Variants in DDHD2 observed in about 807,000 individuals in gnomAD.
The protein encoded by DDHD2 is DDHD domain containing 2.
DDHD2 carries 62 observed loss-of-function variants against 91.2 expected under a neutral mutation model. That is an observed-to-expected ratio of 0.68 (90% CI 0.55 to 0.84). The LOEUF is 0.84. DDHD2 is among the 40% of genes least tolerant of loss of function. The probability of loss-of-function intolerance (pLI) is 0.00; values close to 1 mark genes in which losing one functional copy is unlikely to be tolerated. For missense variants in DDHD2, 740 were observed against 846.9 expected (o/e 0.87, Z 1.57); for synonymous variants, 271 against 293.9 (o/e 0.92, Z 0.80).
intron 10 of DDHD2, among the ~76,000 whole-genome samples, chr8:38,248,730 A>G (rs1585739407): frequency 6.6e-6 from 1 of 151,932 alleles, no homozygotes; most frequent in East Asian, 2.0e-4. Context: ...GCAGATCACG[A>G]GGTCAGGAGT....
At chr8:38,245,488 C>G (rs1805558875) in intron 7 of DDHD2, among the ~76,000 whole-genome samples, 6 of 151,482 alleles carry the variant, frequency 4.0e-5, no homozygotes, top group Admixed American at 3.9e-4. Context: ...CCACTTACCT[C>G]TCTGTCTACA....
intron 11 of DDHD2, 91 bp downstream of exon 11, chr8:38,249,894 C>T (rs896276568): frequency 1.2e-6 from 1 of 858,532 alleles, no homozygotes. Flanking sequence ...TCTGGGGAGC[C>T]AAGCAGTTTT....
At chr8:38,266,331 T>TAAG, downstream of DDHD2, 1 of 1,602,992 alleles carries the variant, frequency 6.2e-7, no homozygotes, top group South Asian at 1.1e-5. Flanking sequence ...GAAAAACTTT[T>TAAG]AAGTGGTTTG....
In DDHD2 at chr8:38,242,326, G is replaced by T. The variant is rs1000538356; in HGVS notation, c.789G>T (p.Gly263=). The change falls in exon 7 of 18, where the codon GGG becomes GGT. Residue 263 remains glycine (G), a synonymous_variant. Transcript: ENST00000397166. ...AAGCCCAAGAAAATCAGCAGATTGG[G>T]AGGGTAGAATTTCTTCCAGTCAACT... ...FKKAQENQQI[G]RVEFLPVNWH... 6.2e-7 allele frequency: 1 copy of T among 1,610,634 alleles called. No homozygotes were observed. Among genetic ancestry groups the T allele is most frequent in the East Asian group, 2.2e-5 (1 of 44,780 alleles).
At chr8:38,268,833 G>C (rs755185719) in intron 1 of DDHD2, 105 of 1,483,812 alleles carry the variant, frequency 7.1e-5, no homozygotes, top group Non-Finnish European at 8.0e-5. Flanking sequence ...AGGTGCCCGC[G>C]GGAAGCCGGG....
At chr8:38,251,791 C>T (rs1359909904) in intron 11 of DDHD2, 121 bp from the exon 12 acceptor site, 9 of 652,308 alleles carry the variant, frequency 1.4e-5, no homozygotes, top group Non-Finnish European at 2.2e-5. Context: ...CCACGTTGGA[C>T]TTGAACTCTT....
chr8:38,268,582 C>A (rs554006173), intron 1 of DDHD2: 404 of 1,457,484 alleles, frequency 2.8e-4, no homozygotes, highest in Middle Eastern at 1.8e-3. Flanking sequence ...TCTGAGTGCG[C>A]GTAACCGGGC....
At chr8:38,241,090 C>T (rs1269024208) in intron 6 of DDHD2, among the ~76,000 whole-genome samples, 1 of 150,642 alleles carries the variant, frequency 6.6e-6, no homozygotes, top group Non-Finnish European at 1.5e-5. Flanking sequence ...AAAAAGGTGT[C>T]CTCTAAAACC....
intron 16 of DDHD2, among the ~76,000 whole-genome samples, chr8:38,259,254 G>A (rs888622621): frequency 1.3e-5 from 2 of 148,910 alleles, no homozygotes; most frequent in Admixed American, 6.7e-5. Context: ...TCACTCTGTC[G>A]CCCAGGCTGA....
At chr8:38,233,669 C>G (rs1289934166) in intron 2 of DDHD2, among the ~76,000 whole-genome samples, 1 of 151,810 alleles carries the variant, frequency 6.6e-6, no homozygotes, top group Non-Finnish European at 1.5e-5. Context: ...TGGCTCACAC[C>G]TGTAATCCCA....
downstream of DDHD2, chr8:38,263,303 T>G (rs188089372): frequency 7.3e-5 from 59 of 804,508 alleles, no homozygotes; most frequent in Admixed American, 1.7e-3. Context: ...TATTCCATTG[T>G]GAAGAAGGGG....
intron 10 of DDHD2, among the ~76,000 whole-genome samples, 193 bp downstream of exon 10, chr8:38,248,028 A>G (rs1173849350): frequency 6.6e-6 from 1 of 152,202 alleles, no homozygotes; most frequent in Non-Finnish European, 1.5e-5. Context: ...TCAGATGGCC[A>G]TATTGATATT....
rs1807935221 is a variant in DDHD2 at position 38,267,975 on chromosome 8, C to T, written n.88-3147C>T. The T allele has an allele frequency of 2.5e-6, 4 of 1,613,776 alleles. No individual in the cohort carries two copies. The East Asian group carries it at 8.9e-5, about 36-fold the overall frequency. ...AAGGCTGGCAGCTGCAAAGCAAAGC[C>T]ATTAGTTGAAAGGATCTGTCTAGGA... On this transcript the variant is annotated intron_variant and non_coding_transcript_variant, in intron 1 of 1. Transcript: ENST00000526071.
At chr8:38,267,970 A>C in intron 1 of DDHD2, 2 of 1,614,026 alleles carry the variant, frequency 1.2e-6, no homozygotes, top group South Asian at 1.1e-5. Flanking sequence ...GCTGCAAAGC[A>C]AAGCCATTAG....
chr8:38,268,065 A>T (rs946618446), intron 1 of DDHD2: 3 of 1,569,874 alleles, frequency 1.9e-6, no homozygotes, highest in Admixed American at 1.9e-5. Context: ...GATAGAATCC[A>T]ACCAGGCCTG....
At chr8:38,258,870 C>T (rs1431792836) in intron 16 of DDHD2, among the ~76,000 whole-genome samples, 5 of 152,196 alleles carry the variant, frequency 3.3e-5, no homozygotes, top group Admixed American at 3.3e-4. Flanking sequence ...GGCTTATATC[C>T]TTAAGGCAGT....
intron 5 of DDHD2, 87 bp from the exon 6 acceptor site, chr8:38,240,188 C>A: frequency 1.5e-6 from 1 of 676,834 alleles, no homozygotes; most frequent in Non-Finnish European, 2.4e-6. Flanking sequence ...TTTTAACTTG[C>A]TCATATTTAT....
intron 6 of DDHD2, 112 bp downstream of exon 6, chr8:38,240,476 GAC>G (rs1805165585): frequency 1.3e-5 from 9 of 714,870 alleles, no homozygotes; most frequent in Non-Finnish European, 2.0e-5. Flanking sequence ...GAGAGTTAAA[GAC>G]AGGTGGCAAG....
intron 1 of DDHD2, chr8:38,269,137 G>A (rs764401428): frequency 1.8e-5 from 27 of 1,519,678 alleles, no homozygotes; most frequent in African/African-American, 2.8e-5. Context: ...GGAAGGCCGC[G>A]AACAGCGCGA....
Sources: gnomAD v4.1 joint callset for allele counts (sites outside exome capture counted in the v4.1 genomes callset) on GRCh38, gnomAD v4.1.1 for gene constraint, MANE v1.5 for transcripts, NCBI Gene and HGNC (gene_info 2026-07-23, HGNC 2026-07-21) for gene names.